Variants in ULK4 observed in about 807,000 individuals in gnomAD.
The protein encoded by ULK4 is inactive serine/threonine-protein kinase ULK4.
A neutral mutation model predicts 160.6 loss-of-function variants in ULK4; 133 were observed. The observed-to-expected ratio is 0.83, with a 90% CI of 0.72 to 0.96. ULK4 has a LOEUF of 0.96. Ranked by LOEUF, ULK4 falls within the 40% of genes least tolerant of loss-of-function variation. ULK4 has a pLI of 0.00. For missense variants in ULK4, 1,580 were observed against 1,499.5 expected, an observed-to-expected ratio of 1.05 and a Z score of -0.89; for synonymous variants, 534 against 539.8, an observed-to-expected ratio of 0.99 and a Z score of 0.15.
chr3:41,335,300 G>A (rs985489111), intron 35 of ULK4, among the ~76,000 whole-genome samples: 2 of 152,166 alleles, frequency 1.3e-5, no homozygotes, highest in African/African-American at 2.4e-5. Flanking sequence ...TCTGCTCCTT[G>A]TAAAGAATCA....
At chr3:41,665,511 T>C (rs868330248) in intron 29 of ULK4, among the ~76,000 whole-genome samples, 1 of 152,164 alleles carries the variant, frequency 6.6e-6, no homozygotes, top group Non-Finnish European at 1.5e-5. Context: ...GAATACAGTG[T>C]TCCGTTTAAG....
chr3:41,250,403 T>C (rs745623056), intron 35 of ULK4, among the ~76,000 whole-genome samples: 1 of 152,220 alleles, frequency 6.6e-6, no homozygotes, highest in African/African-American at 2.4e-5. Context: ...TGCTGTTTCC[T>C]ATATGTTTTC....
intron 32 of ULK4, among the ~76,000 whole-genome samples, chr3:41,554,591 C>T (rs1048052803): frequency 1.3e-5 from 2 of 152,066 alleles, no homozygotes; most frequent in African/African-American, 2.4e-5. Flanking sequence ...GAGAGGTAGA[C>T]TGATGGGTAC....
At chr3:41,644,847 A>G (rs1345722048) in intron 30 of ULK4, among the ~76,000 whole-genome samples, 50 of 152,250 alleles carry the variant, frequency 3.3e-4, no homozygotes, top group Non-Finnish European at 4.4e-4. Flanking sequence ...TTGGTAAGCT[A>G]TTGATTATTG....
rs552665982 is a variant in ULK4 at position 41,827,360 on chromosome 3, G to A, written c.1765-7854C>T. Among the ~76,000 whole-genome samples, 10 of 152,014 alleles carry A rather than the reference G, an allele frequency of 6.6e-5. No homozygotes were observed. In the South Asian group the frequency reaches 1.7e-3, roughly 25 times the overall value. ...CACAAAAAACCCTTCAAAACAATCA[G>A]TGAATCCAGGAGCTGGTTTTTTGAA... On this transcript the variant is annotated intron_variant, in intron 18 of 36. Transcript: ENST00000301831.
chr3:41,873,046 G>A (rs1336790634), intron 17 of ULK4, among the ~76,000 whole-genome samples: 5 of 152,042 alleles, frequency 3.3e-5, no homozygotes, highest in Admixed American at 6.6e-5. Context: ...CCAGCTACTC[G>A]GGAGGCTGAG....
In ULK4 at chr3:41,635,792, G is replaced by A. The variant is rs948511218; in HGVS notation, c.3072-20075C>T. Among the ~76,000 whole-genome samples the A allele has an allele frequency of 6.6e-5, 10 of 152,218 alleles. No individual in the cohort carries two copies. In the Middle Eastern group the frequency reaches 0.01, roughly 155 times the overall value. ...TAAGTAATTGATCTGAGATTAGAAC[G>A]GATATCTACTTAAGAGCCTGTTAGA... On this transcript the variant is annotated intron_variant, in intron 30 of 36. Transcript: ENST00000301831.
rs191924330 is a variant in ULK4 at position 41,716,892 on chromosome 3, C to T, written c.2455+836G>A. Among the ~76,000 whole-genome samples the T allele has an allele frequency of 2.0e-5, 3 of 152,228 alleles. No individual in the cohort carries two copies. The East Asian group carries it at 5.8e-4, about 29-fold the overall frequency. On this transcript the variant is annotated intron_variant, in intron 23 of 36. Transcript: ENST00000301831. ...TTTTCAAACCAAAGAAAGTTTCAAA[C>T]TTTGAACTTTAAATGAATATCAAAA... is the stretch of plus-strand genomic sequence containing the variant.
intron 18 of ULK4, among the ~76,000 whole-genome samples, chr3:41,828,102 C>T (rs565246159): frequency 7.3e-6 from 1 of 136,618 alleles, no homozygotes; most frequent in East Asian, 2.0e-4. Flanking sequence ...TTCAACAGCC[C>T]TTCATGCTAA....
At chr3:41,845,360 T>C (rs1417689375) in intron 17 of ULK4, among the ~76,000 whole-genome samples, 2 of 152,142 alleles carry the variant, frequency 1.3e-5, no homozygotes, top group Admixed American at 6.6e-5. Flanking sequence ...AAACAACTGA[T>C]ACATCCAACA....
chr3:41,420,471 C>CTTTCTTTT (rs1421069446), intron 34 of ULK4, among the ~76,000 whole-genome samples: 1 of 63,248 alleles, frequency 1.6e-5, no homozygotes, highest in African/African-American at 6.5e-5. Context: ...TTTTCCAGTT[C>CTTTCTTTT]TTTCTTTTTT....
At chr3:41,384,894 T>C (rs2081765419) in intron 35 of ULK4, among the ~76,000 whole-genome samples, 1 of 152,026 alleles carries the variant, frequency 6.6e-6, no homozygotes, top group South Asian at 2.1e-4. Context: ...TTTTATTTTT[T>C]TAAAAAGAAA....
At chr3:41,555,994 T>C (rs574794578) in intron 32 of ULK4, among the ~76,000 whole-genome samples, 2 of 152,116 alleles carry the variant, frequency 1.3e-5, no homozygotes, top group South Asian at 2.1e-4. Context: ...CTTGGACACA[T>C]AGAAGAAAAC....
At chr3:41,287,041 G>C (rs1008346893) in intron 35 of ULK4, among the ~76,000 whole-genome samples, 3 of 152,214 alleles carry the variant, frequency 2.0e-5, no homozygotes, top group Non-Finnish European at 2.9e-5. Context: ...ATTTGACAGA[G>C]AGGTGACGCA....
At chr3:41,702,975 T>C (rs1016088269) in intron 27 of ULK4, among the ~76,000 whole-genome samples, 2 of 149,820 alleles carry the variant, frequency 1.3e-5, no homozygotes, top group African/African-American at 5.0e-5. Flanking sequence ...TGCCCCAGCC[T>C]CCCGAGTAGC....
Position 41,701,285 on chromosome 3 carries a change from C to A in ULK4, c.2781+3772G>T, listed in dbSNP as rs928725351. Among the ~76,000 whole-genome samples, 4 of 152,066 alleles carry A rather than the reference C, an allele frequency of 2.6e-5. No homozygotes were observed. In the East Asian group the frequency reaches 7.7e-4, roughly 29 times the overall value. Reference sequence around the variant, plus strand: ...TATATTTAGTTACATCATAGTGAATCTACAGAAAACCAAATCTACACCACC... The same window carrying A: ...TATATTTAGTTACATCATAGTGAATATACAGAAAACCAAATCTACACCACC... On this transcript the variant is annotated intron_variant, in intron 27 of 36. Coordinates refer to ENST00000301831, the MANE Select transcript of ULK4 (RefSeq NM_017886.4).
At chr3:41,410,889 C>T (rs1308068656) in intron 34 of ULK4, among the ~76,000 whole-genome samples, 3 of 152,124 alleles carry the variant, frequency 2.0e-5, no homozygotes, top group Admixed American at 6.5e-5. Context: ...GCTGTCTTCT[C>T]GAAAGGACAC....
At chr3:41,547,785 T>C (rs2125961228) in intron 32 of ULK4, among the ~76,000 whole-genome samples, 1 of 152,324 alleles carries the variant, frequency 6.6e-6, no homozygotes, top group Non-Finnish European at 1.5e-5. Context: ...GTTGCAGCAA[T>C]GCAATGCCAG....
intron 17 of ULK4, among the ~76,000 whole-genome samples, chr3:41,858,895 G>A (rs2042435083): frequency 6.6e-6 from 1 of 151,976 alleles, no homozygotes; most frequent in Non-Finnish European, 1.5e-5. Context: ...AATACAGTAA[G>A]GTGTAATTCT....
Sources: gnomAD v4.1 joint callset for allele counts (sites outside exome capture counted in the v4.1 genomes callset) on GRCh38, gnomAD v4.1.1 for gene constraint, MANE v1.5 for transcripts, NCBI Gene and HGNC (gene_info 2026-07-23, HGNC 2026-07-21) for gene names.